The following MCC variants were observed in gnomAD, a reference collection of about 807,000 sequenced individuals.
The protein encoded by MCC is colorectal mutant cancer protein.
MCC carries 90 observed loss-of-function variants against 116.2 expected under a neutral mutation model. That is an observed-to-expected ratio of 0.77 (90% confidence interval 0.65 to 0.92). The LOEUF (loss-of-function observed/expected upper bound fraction) is 0.92, where lower values mean the gene tolerates loss of function less well. Ranked by LOEUF, MCC falls within the 40% of genes least tolerant of loss-of-function variation. MCC has a pLI of 0.00. For missense variants in MCC, 1,516 were observed against 1,312.2 expected, an observed-to-expected ratio of 1.16 and a Z score of -2.40; for synonymous variants, 578 against 510.5, an observed-to-expected ratio of 1.13 and a Z score of -1.78.
intron 6 of MCC, among the ~76,000 whole-genome samples, chr5:113,118,711 G>C (rs1022895840): frequency 6.6e-6 from 1 of 152,172 alleles, no homozygotes; most frequent in Admixed American, 6.5e-5. Flanking sequence ...TCCTATAATG[G>C]TGCTTACATA....
rs1276192888 is a variant in MCC, at chr5:113,294,389, G to GCA, written c.627+46128_627+46129dup. 3.8e-6 allele frequency: 6 copies of GCA among 1,564,256 alleles called. No homozygotes were observed. In the African/African-American group the frequency reaches 6.8e-5, roughly 18 times the overall value. ...TCATGGCAACTCCGGAATTCATGAT[G>GCA]CACTTTTCAGAGCTGGGCTCTCAGT... On this transcript the variant is annotated intron_variant, in intron 3 of 18. Coordinates refer to ENST00000408903, the MANE Select transcript of MCC (RefSeq NM_001085377.2).
intron 16 of MCC, among the ~76,000 whole-genome samples, chr5:113,048,289 G>C (rs942209860): frequency 2.0e-5 from 3 of 152,026 alleles, no homozygotes; most frequent in Non-Finnish European, 4.4e-5. Context: ...ATATTAAATG[G>C]GAAATTCTAG....
intron 4 of MCC, 81 bp from the exon 5 acceptor site, chr5:113,143,441 A>G (rs1355499442): frequency 1.4e-6 from 2 of 1,464,226 alleles, no homozygotes; most frequent in Non-Finnish European, 1.9e-6. Context: ...GTGGCCTTAA[A>G]CCATTACAAC....
intron 2 of MCC, among the ~76,000 whole-genome samples, chr5:113,346,223 C>A (rs1030412953): frequency 1.3e-5 from 2 of 152,042 alleles, no homozygotes; most frequent in Non-Finnish European, 2.9e-5. Flanking sequence ...CCTACAAGAT[C>A]TAGAAAATAG....
intron 2 of MCC, among the ~76,000 whole-genome samples, chr5:113,382,270 CTTTTTTT>C (rs112153904): frequency 4.4e-5 from 6 of 136,244 alleles, no homozygotes; most frequent in African/African-American, 1.6e-4. Flanking sequence ...AATTATTGTC[CTTTTTTT>C]TTTTTTTTTT....
intron 14 of MCC, among the ~76,000 whole-genome samples, chr5:113,057,581 G>C (rs1279428357): frequency 6.6e-6 from 1 of 152,224 alleles, no homozygotes; most frequent in African/African-American, 2.4e-5. Flanking sequence ...GGCAGCTCAA[G>C]GGAACTGCAA....
chr5:113,309,541 T>C (rs1767086682), intron 3 of MCC, among the ~76,000 whole-genome samples: 1 of 152,222 alleles, frequency 6.6e-6, no homozygotes, highest in African/African-American at 2.4e-5. Flanking sequence ...AGACAGTATT[T>C]CATTGTTTTT....
intron 3 of MCC, among the ~76,000 whole-genome samples, chr5:113,191,693 A>T (rs1037841326): frequency 1.3e-5 from 2 of 152,244 alleles, no homozygotes; most frequent in African/African-American, 4.8e-5. Flanking sequence ...TTGATTTTTA[A>T]GACAGCAGGA....
chr5:113,173,808 T>G (rs1484912855), intron 3 of MCC, among the ~76,000 whole-genome samples: 1 of 152,118 alleles, frequency 6.6e-6, no homozygotes, highest in South Asian at 2.1e-4. Context: ...ACATCTTATT[T>G]AGTATTTCAA....
chr5:113,098,510 A>G (rs1241030880), intron 8 of MCC, among the ~76,000 whole-genome samples: 2 of 152,220 alleles, frequency 1.3e-5, no homozygotes, highest in African/African-American at 4.8e-5. Flanking sequence ...ATTAAGCCCA[A>G]TTCTTTATGT....
chr5:113,184,479 G>T (rs3985040), intron 3 of MCC, among the ~76,000 whole-genome samples: 12,668 of 114,698 alleles, frequency 0.11, 717 homozygotes, highest in Non-Finnish European at 0.14. Context: ...TTCGTTTTTT[G>T]TTTTTTTTTT....
intron 3 of MCC, among the ~76,000 whole-genome samples, chr5:113,200,467 A>G (rs1027929609): frequency 6.6e-6 from 1 of 152,156 alleles, no homozygotes; most frequent in Non-Finnish European, 1.5e-5. Flanking sequence ...GTTAGAAAGC[A>G]CAAGACTATA....
intron 3 of MCC, among the ~76,000 whole-genome samples, chr5:113,188,791 C>A (rs373821499): frequency 1.3e-5 from 2 of 152,316 alleles, no homozygotes; most frequent in Middle Eastern, 3.4e-3. Flanking sequence ...CAGGGCCACA[C>A]AGCTGGTCAG....
In MCC at chr5:113,158,361, A is replaced by T. The variant is rs181385761; in HGVS notation, c.628-6939T>A. ...TAGTGCCAACTTCTCTCATTAAAGG[A>T]CACTTAATTTCACTGAACTTAATTT... On this transcript the variant is annotated intron_variant, in intron 3 of 18. Transcript: ENST00000408903. 2.0e-5 allele frequency among the ~76,000 whole-genome samples: 3 copies of T among 152,346 alleles called. No individual in the cohort carries two copies. The East Asian group carries it at 5.8e-4, about 29-fold the overall frequency.
chr5:113,188,273 A>G (rs1647656485), intron 3 of MCC, among the ~76,000 whole-genome samples: 1 of 152,238 alleles, frequency 6.6e-6, no homozygotes, highest in South Asian at 2.1e-4. Flanking sequence ...CTTCACAAAA[A>G]GACAAGAGCC....
At chr5:113,381,128 T>G (rs965165302) in intron 2 of MCC, among the ~76,000 whole-genome samples, 1 of 152,110 alleles carries the variant, frequency 6.6e-6, no homozygotes, top group Non-Finnish European at 1.5e-5. Context: ...CAAGGCAAGA[T>G]ATGATGGTGA....
At chr5:113,273,271 TTTC>T (rs1277852471) in intron 3 of MCC, among the ~76,000 whole-genome samples, 2 of 152,200 alleles carry the variant, frequency 1.3e-5, no homozygotes, top group Non-Finnish European at 2.9e-5. Context: ...TCCTTTCCCT[TTTC>T]TAACAAAATA....
intron 1 of MCC, among the ~76,000 whole-genome samples, chr5:113,394,071 TTTA>T (rs1178119972): frequency 6.6e-6 from 1 of 152,196 alleles, no homozygotes; most frequent in Non-Finnish European, 1.5e-5. Context: ...CTGTCATATA[TTTA>T]TCTTGAACTC....
At chr5:113,291,138 C>T (rs556931416) in intron 3 of MCC, among the ~76,000 whole-genome samples, 2 of 152,292 alleles carry the variant, frequency 1.3e-5, no homozygotes, top group South Asian at 4.2e-4. Flanking sequence ...ACTAAAGATA[C>T]AAAAGGAACA....
Sources: gnomAD v4.1 joint callset for allele counts (sites outside exome capture counted in the v4.1 genomes callset) on GRCh38, gnomAD v4.1.1 for gene constraint, MANE v1.5 for transcripts, NCBI Gene and HGNC (gene_info 2026-07-23, HGNC 2026-07-21) for gene names.